Variants in BSN observed in about 807,000 individuals in gnomAD.
The protein encoded by BSN is bassoon presynaptic cytomatrix protein, also known as protein bassoon.
BSN carries 57 observed loss-of-function variants against 264.8 expected under a neutral mutation model. That is an observed-to-expected ratio of 0.22 (90% CI 0.17 to 0.27). The LOEUF (loss-of-function observed/expected upper bound fraction) is 0.27. BSN is among the 10% of genes least tolerant of loss of function. The pLI, the probability that BSN is intolerant of heterozygous loss-of-function variation, is 1.00. For synonymous variants in BSN, 2,059 were observed against 2,137.3 expected (o/e 0.96, Z 1.01); for missense variants, 4,615 against 5,232.5 (o/e 0.88, Z 3.64).
In BSN at chr3:49,650,697, C is replaced by T. The variant is rs879189368; in HGVS notation, c.1604C>T (p.Thr535Ile). 1.2e-6 allele frequency: 2 copies of T among 1,611,956 alleles called. No homozygotes were observed. The highest frequency in any genetic ancestry group is 2.2e-5 in the East Asian group (1 of 44,878). Reference sequence around the variant, plus strand: ...GAGCCGACCCCCCTGCCGCCGCCCACCTCACAGCAGCCCCCTGTAGGGGCC... The same window carrying T: ...GAGCCGACCCCCCTGCCGCCGCCCATCTCACAGCAGCCCCCTGTAGGGGCC... ...LGEPTPLPPP[T>I]SQQPPVGAPH... Residue 535 changes from threonine to isoleucine, a missense_variant, in exon 4 of 12, where the codon ACC becomes ATC. Physicochemically the swap from Thr to Ile is moderately conservative, Grantham distance 89. Around this residue, in one of 3 missense-constraint regions of BSN, gnomAD observed 1,197 missense variants for 1,348.0 expected, o/e 0.89. Transcript: ENST00000296452.
chr3:49,570,122 C>T (rs1224428039), intron 1 of BSN, among the ~76,000 whole-genome samples: 1 of 152,168 alleles, frequency 6.6e-6, no homozygotes, highest in Non-Finnish European at 1.5e-5. Context: ...TTCCCAATGG[C>T]CAAGCACTCA....
rs373022358 is a variant in BSN, at chr3:49,662,929, C to T, written c.10771C>T (p.Arg3591Cys). The T allele has an allele frequency of 6.2e-6, 10 of 1,612,368 alleles. No homozygotes were observed. The highest frequency in any genetic ancestry group is 2.2e-5 in the South Asian group (2 of 90,892). Reference sequence around the variant, plus strand: ...CTGGTTTGATAAGCCCCGGGATGCCCGCTCTGACCGGTTCAGGCACCACGG... The same window carrying T: ...CTGGTTTGATAAGCCCCGGGATGCCTGCTCTGACCGGTTCAGGCACCACGG... ...TDWFDKPRDARSDRFRHHGGH... is the reference protein window; with the variant it reads ...TDWFDKPRDACSDRFRHHGGH... Residue 3591 changes from arginine (R) to cysteine (C), a missense_variant, in exon 7 of 12, where the codon CGC becomes TGC. Physicochemically the swap from Arg to Cys is radical, Grantham distance 180. Around this residue, in one of 3 missense-constraint regions of BSN, gnomAD observed 3,415 missense variants for 3,866.4 expected, o/e 0.88. Transcript: ENST00000296452.
At chr3:49,644,108 G>A (rs184835370) in intron 3 of BSN, among the ~76,000 whole-genome samples, 2 of 152,332 alleles carry the variant, frequency 1.3e-5, no homozygotes, top group African/African-American at 2.4e-5. Context: ...CTTGGGCGTA[G>A]CTTGGTGTGT....
chr3:49,563,393 C>A (rs995194817), intron 1 of BSN, among the ~76,000 whole-genome samples: 20 of 152,242 alleles, frequency 1.3e-4, no homozygotes, highest in Admixed American at 1.2e-3. Flanking sequence ...TGTTGTTCCA[C>A]CTACTTCCTA....
Position 49,642,831 on chromosome 3 carries a change from C to G in BSN, c.1197C>G (p.Pro399=). The G allele has an allele frequency of 6.2e-7, 1 of 1,613,182 alleles. No individual in the cohort carries two copies. Among genetic ancestry groups the G allele is most frequent in the Non-Finnish European group, 8.5e-7 (1 of 1,179,702 alleles). Residue 399 remains proline (P), a synonymous_variant, in exon 3 of 12, where the codon CCC becomes CCG. Coordinates refer to ENST00000296452, the MANE Select transcript of BSN (RefSeq NM_003458.4). This position sits in a 1 kb window ranked among gnomAD's most constrained non-coding sequence, Gnocchi z 7.0. Reference sequence around the variant, plus strand: ...CCAGCAAGGAGGCTGGCCCAAAACCCTTGGGCTCAGGGCCCGGGCCTGGGC... The same window carrying G: ...CCAGCAAGGAGGCTGGCCCAAAACCGTTGGGCTCAGGGCCCGGGCCTGGGC... ...NDASKEAGPK[P]LGSGPGPGPA...
intron 1 of BSN, among the ~76,000 whole-genome samples, chr3:49,591,786 GGCATGTT>G (rs1415607653): frequency 1.3e-5 from 2 of 151,900 alleles, no homozygotes; most frequent in Non-Finnish European, 2.9e-5. Context: ...ATGGGGTTTT[GGCATGTT>G]GCCCAGGCTG....
At chr3:49,583,768 C>T (rs1428263643) in intron 1 of BSN, among the ~76,000 whole-genome samples, 2 of 152,040 alleles carry the variant, frequency 1.3e-5, no homozygotes, top group Non-Finnish European at 2.9e-5. Context: ...TTCATTTCTT[C>T]CTGAGTCAGT....
intron 1 of BSN, among the ~76,000 whole-genome samples, chr3:49,594,059 T>G (rs1404386725): frequency 6.6e-6 from 1 of 152,186 alleles, no homozygotes; most frequent in African/African-American, 2.4e-5. Flanking sequence ...CCCAAAGTGC[T>G]GGGATTACAG....
At chr3:49,605,463 A>ATATATTATATATAT (rs2052111475) in intron 1 of BSN, among the ~76,000 whole-genome samples, 1 of 11,454 alleles carries the variant, frequency 8.7e-5, no homozygotes, top group African/African-American at 4.4e-4. Flanking sequence ...AATATATATT[A>ATATATTATATATAT]TATATAATAT....
chr3:49,662,459 T>C lies in BSN; in HGVS notation c.10614T>C (p.Pro3538=), dbSNP rs1410375975. The C allele has an allele frequency of 6.2e-7, 1 of 1,613,710 alleles. No homozygotes were observed. The highest frequency in any genetic ancestry group is 1.1e-5 in the South Asian group (1 of 91,086). Residue 3538 remains proline (P), a synonymous_variant, in exon 6 of 12, where the codon CCT becomes CCC. Transcript: ENST00000296452. ...CPQFCSSHSM[P]DVQEHVKDGP... ...AGTTCTGCTCCAGCCACTCCATGCC[T>C]GATGTCCAGGAACATGTCAAGGACG...
intron 1 of BSN, among the ~76,000 whole-genome samples, chr3:49,574,860 A>G (rs879436188): frequency 3.3e-5 from 5 of 149,806 alleles, no homozygotes; most frequent in African/African-American, 7.4e-5. Context: ...CTGGTCTTGA[A>G]CTCCGGACCT....
chr3:49,619,123 A>G (rs1327720759), intron 1 of BSN, among the ~76,000 whole-genome samples: 3 of 151,984 alleles, frequency 2.0e-5, no homozygotes, highest in East Asian at 1.9e-4. Flanking sequence ...ATAAATATCT[A>G]TTGTTGGAGT....
At chr3:49,634,678 C>T (rs1195205741) in intron 2 of BSN, among the ~76,000 whole-genome samples, 10 of 152,328 alleles carry the variant, frequency 6.6e-5, no homozygotes, top group African/African-American at 2.2e-4. Flanking sequence ...AGGCGTGAGC[C>T]GCAGTGTCCG....
chr3:49,588,440 G>C (rs1190832898), intron 1 of BSN, among the ~76,000 whole-genome samples: 3 of 152,074 alleles, frequency 2.0e-5, no homozygotes, highest in African/African-American at 7.2e-5. Context: ...TTATTTTGAG[G>C]TATGTTCCTT....
chr3:49,600,126 T>A (rs1027642889), intron 1 of BSN, among the ~76,000 whole-genome samples: 2 of 152,190 alleles, frequency 1.3e-5, no homozygotes, highest in Admixed American at 6.5e-5. Context: ...GGTGGGTCGA[T>A]GATTCCCACG....
chr3:49,614,291 C>T (rs566633090), intron 1 of BSN, among the ~76,000 whole-genome samples: 1 of 151,916 alleles, frequency 6.6e-6, no homozygotes, highest in African/African-American at 2.4e-5. Flanking sequence ...GATCTCCTGA[C>T]CTCGTGATCC....
intron 1 of BSN, among the ~76,000 whole-genome samples, chr3:49,589,082 A>ATTTTTTTTTTTTTTT: frequency 7.5e-6 from 1 of 132,456 alleles, no homozygotes; most frequent in Admixed American, 7.8e-5. Flanking sequence ...GCCTGGCTAA[A>ATTTTTTTTTTTTTTT]TTTTTTTTTT....
At position 49,657,585 on chromosome 3, in the gene BSN, G is replaced by A; in HGVS notation, c.8029G>A (p.Glu2677Lys). The change falls in exon 5 of 12, where the codon GAG (glutamate) becomes AAG (lysine). Residue 2677 changes from glutamate (E) to lysine (K), a missense_variant. Glu to Lys is a moderately conservative substitution (Grantham distance 56). Coordinates refer to ENST00000296452, the MANE Select transcript of BSN (RefSeq NM_003458.4). ...CATCAGTGACTGCTCCGTGCAGACG[G>A]AGCCTGACCAGCTGCCCAGGGTCTC... ...QTISDCSVQT[E>K]PDQLPRVSPA... is the part of the protein sequence containing the mutation. 6.2e-7 allele frequency: 1 copy of A among 1,612,186 alleles called. No individual in the cohort carries two copies. The highest frequency in any genetic ancestry group is 8.5e-7 in the Non-Finnish European group (1 of 1,179,322).
chr3:49,592,068 A>AT (rs2051982483), intron 1 of BSN, among the ~76,000 whole-genome samples: 1 of 152,172 alleles, frequency 6.6e-6, no homozygotes, highest in South Asian at 2.1e-4. Context: ...GAGACAGTTG[A>AT]TTTTTTTAAA....
Sources: allele counts gnomAD v4.1 joint callset (sites outside exome capture counted in the v4.1 genomes callset), GRCh38; gene constraint gnomAD v4.1.1; regional missense constraint gnomAD v4.1.1; non-coding constraint Gnocchi (gnomAD v3.1); transcripts MANE v1.5; gene names NCBI Gene and HGNC (gene_info 2026-07-23, HGNC 2026-07-21).